Variants in PCDHGA5 observed in about 807,000 individuals in gnomAD.
PCDHGA5 encodes the protein protocadherin gamma-A5.
Under a neutral mutation model 56.7 loss-of-function variants are expected in PCDHGA5, and 36 were observed. The ratio of observed to expected loss-of-function variants is 0.64; its 90% CI spans 0.49 to 0.84. PCDHGA5 has a LOEUF of 0.84. PCDHGA5 is among the 40% of genes least tolerant of loss of function. The pLI is 0.00. For missense variants in PCDHGA5, 1,305 were observed against 1,201.5 expected (o/e 1.09, Z -1.27); for synonymous variants, 563 against 520.2 (o/e 1.08, Z -1.12).
At chr5:141,395,497 A>T in intron 1 of PCDHGA5, 1 of 472,724 alleles carries the variant, frequency 2.1e-6, no homozygotes, top group Non-Finnish European at 3.7e-6. Flanking sequence ...TCACTCATTC[A>T]CTTAAGAAGT....
chr5:141,487,813 TG>T lies in PCDHGA5; in HGVS notation c.2422-6989del. 7.2e-7 allele frequency: 1 copy of T among 1,384,138 alleles called. No homozygotes were observed. 85.7% of individuals were successfully genotyped at this position (1,384,138 alleles called of 1,614,324 possible). A position where few individuals can be genotyped will look rare whatever the true frequency, so the allele number is the denominator to read the frequency against. On this transcript the variant is annotated intron_variant, in intron 1 of 3. Transcript: ENST00000518069. This position sits in a 1 kb window ranked among gnomAD's most constrained non-coding sequence, Gnocchi z 5.0. Reference sequence around the variant, plus strand: ...AACCAGAGTTGTCACAGTTTAGCATTGGGGGCGGGTCATGCCTATATCTGAG... The same window carrying T: ...AACCAGAGTTGTCACAGTTTAGCATTGGGGCGGGTCATGCCTATATCTGAG...
chr5:141,391,000 T>C (rs2092286539), intron 1 of PCDHGA5: 1 of 152,230 alleles, frequency 6.6e-6, no homozygotes, highest in Admixed American at 6.5e-5. Flanking sequence ...TTCAAGCTCA[T>C]TCTATATCCT....
intron 1 of PCDHGA5, chr5:141,475,949 G>A: frequency 1.3e-6 from 1 of 758,910 alleles, no homozygotes; most frequent in South Asian, 1.9e-5. Flanking sequence ...TCCCCTTTCT[G>A]CGCCCCGGGA....
chr5:141,371,768 C>G, intron 1 of PCDHGA5: 1 of 1,614,032 alleles, frequency 6.2e-7, no homozygotes, highest in East Asian at 2.2e-5. Flanking sequence ...CCTCCTACAC[C>G]GTGCATGTAG....
At chr5:141,370,644 T>G in intron 1 of PCDHGA5, 1 of 1,613,920 alleles carries the variant, frequency 6.2e-7, no homozygotes, top group African/African-American at 1.3e-5. Flanking sequence ...AAATGGGAAC[T>G]TACTTGTGAG....
chr5:141,508,904 T>C (rs1421450229), intron 3 of PCDHGA5, among the ~76,000 whole-genome samples: 2 of 151,336 alleles, frequency 1.3e-5, no homozygotes, highest in African/African-American at 4.9e-5. Context: ...GGCGGGGCGG[T>C]GGCGGATCTG....
chr5:141,491,726 C>T lies in PCDHGA5; in HGVS notation c.2422-3081C>T. On this transcript the variant is annotated intron_variant, in intron 1 of 3. Transcript: ENST00000518069. This position sits in a 1 kb window ranked among gnomAD's most constrained non-coding sequence, Gnocchi z 6.9. ...GTGAGGGGCTCGGCGCCGCCCCGGG[C>T]GACCCCTGGGGGCGGCACTGGAGAA... The T allele has an allele frequency of 6.2e-7, 1 of 1,605,884 alleles. No individual in the cohort carries two copies. Among genetic ancestry groups the T allele is most frequent in the East Asian group, 2.2e-5 (1 of 44,600 alleles).
intron 1 of PCDHGA5, among the ~76,000 whole-genome samples, chr5:141,462,877 T>G (rs1387501705): frequency 1.3e-5 from 2 of 152,240 alleles, no homozygotes; most frequent in African/African-American, 4.8e-5. Flanking sequence ...CTTTAAGAAC[T>G]ATTGCAGTTT....
intron 1 of PCDHGA5, chr5:141,408,704 A>G: frequency 1.2e-6 from 2 of 1,613,236 alleles, no homozygotes; most frequent in Non-Finnish European, 1.7e-6. Context: ...AAACTCAATT[A>G]AAGATTATAA....
Position 141,415,740 on chromosome 5 carries a change from G to GTTTTTT in PCDHGA5, c.2421+49016_2421+49021dup, listed in dbSNP as rs57426385. ...TGAGTAGAATTTGATGTTTATTAAGGTTTTTTTTTTTTTTTTTTTTTTTTT... is the reference window on the plus strand; with the variant it reads ...TGAGTAGAATTTGATGTTTATTAAGGTTTTTTTTTTTTTTTTTTTTTTTTTTTTTTT... On this transcript the variant is annotated intron_variant, in intron 1 of 3. Transcript: ENST00000518069. 6.6e-4 allele frequency: 412 copies of GTTTTTT among 624,836 alleles called. 3 individuals carry two copies. The highest frequency in any genetic ancestry group is 1.2e-3 in the African/African-American group (49 of 39,912). The allele number at this position is 624,836 out of a possible 1,614,324, so 38.7% of individuals were successfully genotyped here.
chr5:141,384,791 C>A (rs773450358), intron 1 of PCDHGA5: 22 of 1,613,424 alleles, frequency 1.4e-5, no homozygotes, highest in Non-Finnish European at 1.9e-5. Flanking sequence ...ACGGCTCGGG[C>A]CCTGCTGGAC....
At chr5:141,384,642 C>T (rs373564078) in intron 1 of PCDHGA5, 5 of 1,614,214 alleles carry the variant, frequency 3.1e-6, no homozygotes, top group South Asian at 2.2e-5. Flanking sequence ...CACCCCGCTC[C>T]GCAGAGCCCG....
At position 141,423,758 on chromosome 5, in the gene PCDHGA5, G is replaced by GC. The variant is rs1554116873; in HGVS notation, c.2421+57007_2421+57008insC. 1.7e-4 allele frequency: 62 copies of GC among 366,836 alleles called. 2 individuals are homozygous for GC. The highest frequency in any genetic ancestry group is 4.2e-4 in the Middle Eastern group (1 of 2,358). The allele number at this position is 366,836 out of a possible 1,614,324, so 22.7% of individuals were successfully genotyped here. Reference sequence around the variant, plus strand: ...CTGTTATGAAAACTGTTTGGGGGGGGGGTGGGGCGGCATATATTTAGTTCA... The same window carrying GC: ...CTGTTATGAAAACTGTTTGGGGGGGGCGGTGGGGCGGCATATATTTAGTTCA... On this transcript the variant is annotated intron_variant, in intron 1 of 3. Coordinates refer to ENST00000518069, the MANE Select transcript of PCDHGA5 (RefSeq NM_018918.3).
At chr5:141,375,758 G>A in intron 1 of PCDHGA5, 1 of 1,614,230 alleles carries the variant, frequency 6.2e-7, no homozygotes. Context: ...GAATGACAAT[G>A]CGCCCGAGAT....
At chr5:141,414,242 T>C (rs1412230684) in intron 1 of PCDHGA5, 1 of 1,613,538 alleles carries the variant, frequency 6.2e-7, no homozygotes, top group Admixed American at 1.7e-5. Flanking sequence ...ATCACGTCTC[T>C]ATTTAGTCCA....
intron 1 of PCDHGA5, chr5:141,398,312 C>A: frequency 1.5e-6 from 2 of 1,355,208 alleles, no homozygotes; most frequent in East Asian, 2.5e-5. Flanking sequence ...CAGGAGTTAC[C>A]GACTCGAAAA....
At chr5:141,480,398 G>C (rs2099518275) in intron 1 of PCDHGA5, among the ~76,000 whole-genome samples, 1 of 149,050 alleles carries the variant, frequency 6.7e-6, no homozygotes, top group Non-Finnish European at 1.5e-5. Context: ...CATGGCAATA[G>C]AGTGAGACCC....
chr5:141,500,497 C>T (rs1214550546), intron 2 of PCDHGA5, among the ~76,000 whole-genome samples: 1 of 152,174 alleles, frequency 6.6e-6, no homozygotes, highest in Non-Finnish European at 1.5e-5. Context: ...GCGTGAGCCA[C>T]CGCGCCTGGC....
In PCDHGA5 at chr5:141,400,299, A is replaced by G. The variant is rs374558900; in HGVS notation, c.2421+33548A>G. The G allele has an allele frequency of 9.8e-5, 158 of 1,613,834 alleles. 1 individual carries two copies. In the East Asian group the frequency reaches 1.2e-3, roughly 12 times the overall value. ...GCCCTGCCGCCTGGAGCTGCTTCCAACCTGGTCTCTGTGTCAAGTCTGGAC... is the reference window on the plus strand; with the variant it reads ...GCCCTGCCGCCTGGAGCTGCTTCCAGCCTGGTCTCTGTGTCAAGTCTGGAC... On this transcript the variant is annotated intron_variant, in intron 1 of 3. Coordinates refer to ENST00000518069, the MANE Select transcript of PCDHGA5 (RefSeq NM_018918.3).
Sources: allele counts gnomAD v4.1 joint callset (sites outside exome capture counted in the v4.1 genomes callset), GRCh38; gene constraint gnomAD v4.1.1; non-coding constraint Gnocchi (gnomAD v3.1); transcripts MANE v1.5; gene names NCBI Gene and HGNC (gene_info 2026-07-23, HGNC 2026-07-21).